The following CNTN4 variants were observed in gnomAD, a reference collection of about 807,000 sequenced individuals.
The protein encoded by CNTN4 is contactin 4.
CNTN4 carries 77 observed loss-of-function variants against 122.5 expected under a neutral mutation model. The observed-to-expected ratio is 0.63, with a 90% CI of 0.52 to 0.76. The LOEUF is 0.76. CNTN4 is among the 30% of genes least tolerant of loss of function. The pLI, the probability that CNTN4 is intolerant of heterozygous loss-of-function variation, is 0.00. For missense variants in CNTN4, 1,256 were observed against 1,259.1 expected (o/e 1.00, Z 0.04); for synonymous variants, 512 against 447.0 (o/e 1.15, Z -1.83).
intron 3 of CNTN4, among the ~76,000 whole-genome samples, chr3:2,349,241 T>A (rs1348531838): frequency 6.7e-6 from 1 of 148,302 alleles, no homozygotes; most frequent in Non-Finnish European, 1.5e-5. Flanking sequence ...CTTGTTGACG[T>A]ATTTTTTTTT....
intron 14 of CNTN4, among the ~76,000 whole-genome samples, chr3:3,016,774 A>G (rs1697798214): frequency 6.6e-6 from 1 of 152,246 alleles, no homozygotes; most frequent in African/African-American, 2.4e-5. Context: ...TGGCTTGTGC[A>G]TAGTAGTTTC....
In CNTN4 at chr3:2,550,308, T is replaced by G. The variant is rs560216858; in HGVS notation, c.-88-21108T>G. On this transcript the variant is annotated intron_variant, in intron 3 of 24. Coordinates refer to ENST00000418658, the MANE Select transcript of CNTN4 (RefSeq NM_175607.3). ...TTGATATTAGGTGAACAGACACTTCTCAAAAGGAGACATTTATGCGGCCAA... is the reference window on the plus strand; with the variant it reads ...TTGATATTAGGTGAACAGACACTTCGCAAAAGGAGACATTTATGCGGCCAA... 1.1e-4 allele frequency among the ~76,000 whole-genome samples: 16 copies of G among 152,226 alleles called. 1 individual carries two copies. Among genetic ancestry groups the G allele is most frequent in the African/African-American group, 3.9e-4 (16 of 41,528 alleles).
intron 14 of CNTN4, among the ~76,000 whole-genome samples, chr3:2,993,134 A>G (rs1026290548): frequency 4.6e-5 from 7 of 152,182 alleles, no homozygotes; most frequent in African/African-American, 1.7e-4. Context: ...AAAAAAACCA[A>G]AAGAACAATA....
chr3:3,048,670 A>G (rs935411766), intron 23 of CNTN4, among the ~76,000 whole-genome samples: 4 of 152,202 alleles, frequency 2.6e-5, no homozygotes, highest in Non-Finnish European at 1.5e-5. Context: ...ATCTGATTGC[A>G]ACGGAAGAGT....
intron 13 of CNTN4, among the ~76,000 whole-genome samples, chr3:2,948,289 C>T (rs1320062484): frequency 6.6e-6 from 1 of 152,088 alleles, no homozygotes; most frequent in African/African-American, 2.4e-5. Context: ...GATCTACAAA[C>T]CTACAATACG....
chr3:2,210,267 A>G (rs572924190), intron 2 of CNTN4, among the ~76,000 whole-genome samples: 63 of 152,328 alleles, frequency 4.1e-4, no homozygotes, highest in African/African-American at 1.4e-3. Flanking sequence ...TTACATGGAA[A>G]ATACATAAAA....
intron 3 of CNTN4, among the ~76,000 whole-genome samples, chr3:2,369,566 G>A (rs914174239): frequency 1.3e-4 from 20 of 152,164 alleles, no homozygotes; most frequent in Non-Finnish European, 2.8e-4. Flanking sequence ...ATTTTAGGGA[G>A]AATAGGATGC....
At position 2,704,138 on chromosome 3, in the gene CNTN4, A is replaced by G. The variant is rs530859669; in HGVS notation, c.56-32077A>G. Among the ~76,000 whole-genome samples, 30 of 151,856 alleles carry G rather than the reference A, an allele frequency of 2.0e-4. No homozygotes were observed. The East Asian group carries it at 4.9e-3, about 25-fold the overall frequency. Reference sequence around the variant, plus strand: ...ATGGTGAAACCCCGTCTCTACTAAAAATACAAAAATTAGCCAGGTGTGGTG... The same window carrying G: ...ATGGTGAAACCCCGTCTCTACTAAAGATACAAAAATTAGCCAGGTGTGGTG... On this transcript the variant is annotated intron_variant, in intron 4 of 24. Coordinates refer to ENST00000418658, the MANE Select transcript of CNTN4 (RefSeq NM_175607.3).
At chr3:3,051,392 T>G (rs1314431674) in intron 23 of CNTN4, among the ~76,000 whole-genome samples, 2 of 152,198 alleles carry the variant, frequency 1.3e-5, no homozygotes, top group Non-Finnish European at 2.9e-5. Context: ...ACTGCAAGAC[T>G]GATAAGCAGT....
intron 3 of CNTN4, among the ~76,000 whole-genome samples, chr3:2,463,488 G>A (rs1365697546): frequency 5.3e-5 from 8 of 152,106 alleles, no homozygotes; most frequent in South Asian, 2.1e-4. Flanking sequence ...GGCCAGGTGC[G>A]GTGGCCCACG....
intron 4 of CNTN4, among the ~76,000 whole-genome samples, chr3:2,721,423 T>A (rs2087845079): frequency 6.6e-6 from 1 of 152,156 alleles, no homozygotes; most frequent in Admixed American, 6.5e-5. Context: ...AATACCTGCC[T>A]TAGCTTATAC....
At chr3:2,748,746 G>C (rs138932738) in intron 6 of CNTN4, among the ~76,000 whole-genome samples, 138 of 152,276 alleles carry the variant, frequency 9.1e-4, no homozygotes, top group African/African-American at 2.9e-3. Flanking sequence ...TGCTCCGTCT[G>C]CATCGTCTTG....
chr3:2,666,073 C>T (rs775965661), intron 4 of CNTN4, among the ~76,000 whole-genome samples: 8 of 152,186 alleles, frequency 5.3e-5, no homozygotes, highest in Non-Finnish European at 1.0e-4. Flanking sequence ...GTCTACGCAG[C>T]ATGCAGGTTC....
At chr3:3,035,719 G>C (rs1699543410) in intron 17 of CNTN4, among the ~76,000 whole-genome samples, 1 of 152,080 alleles carries the variant, frequency 6.6e-6, no homozygotes, top group African/African-American at 2.4e-5. Context: ...CCCACACCCA[G>C]CTAATTCTCT....
chr3:2,292,474 G>A (rs926649405), intron 2 of CNTN4, among the ~76,000 whole-genome samples: 2 of 152,172 alleles, frequency 1.3e-5, no homozygotes, highest in African/African-American at 4.8e-5. Context: ...TATCTGAAGT[G>A]TACAATGTGT....
In CNTN4 at chr3:2,170,048, G is replaced by A. The variant is rs187007840; in HGVS notation, c.-145+69409G>A. On this transcript the variant is annotated intron_variant, in intron 2 of 24. Coordinates refer to ENST00000418658, the MANE Select transcript of CNTN4 (RefSeq NM_175607.3). ...ATCAAAAAAGTAAGGGAGGCCGGGCGCGGTGGCTCACGCCTGTAATCCCAG... is the reference window on the plus strand; with the variant it reads ...ATCAAAAAAGTAAGGGAGGCCGGGCACGGTGGCTCACGCCTGTAATCCCAG... Among the ~76,000 whole-genome samples, 613 of 152,200 alleles carry A rather than the reference G, an allele frequency of 4.0e-3. 5 individuals carry two copies. In the East Asian group the frequency reaches 0.043, roughly 11 times the overall value.
intron 2 of CNTN4, among the ~76,000 whole-genome samples, chr3:2,315,445 A>G (rs564059644): frequency 1.3e-5 from 2 of 152,016 alleles, no homozygotes; most frequent in African/African-American, 4.8e-5. Flanking sequence ...AAAACAGTGG[A>G]TATCCAGCTT....
intron 6 of CNTN4, among the ~76,000 whole-genome samples, chr3:2,766,810 A>G (rs2090882110): frequency 6.6e-6 from 1 of 152,154 alleles, no homozygotes; most frequent in Non-Finnish European, 1.5e-5. Context: ...AGAATTAAGG[A>G]CACATTCGCC....
At chr3:2,792,947 A>G (rs1367365882) in intron 6 of CNTN4, among the ~76,000 whole-genome samples, 1 of 152,210 alleles carries the variant, frequency 6.6e-6, no homozygotes, top group South Asian at 2.1e-4. Flanking sequence ...TAGCTTTCAT[A>G]AAAGATAGGG....
Sources: allele counts gnomAD v4.1 joint callset (sites outside exome capture counted in the v4.1 genomes callset), GRCh38; gene constraint gnomAD v4.1.1; transcripts MANE v1.5; gene names NCBI Gene and HGNC (gene_info 2026-07-23, HGNC 2026-07-21).